Variants in DLGAP1 observed in about 807,000 individuals in gnomAD.
DLGAP1 encodes disks large-associated protein 1.
A neutral mutation model predicts 90.8 loss-of-function variants in DLGAP1; 11 were observed. The ratio of observed to expected loss-of-function variants is 0.12; its 90% CI spans 0.08 to 0.20. DLGAP1 has a LOEUF of 0.20. Ranked by LOEUF, DLGAP1 falls within the 10% of genes least tolerant of loss-of-function variation. DLGAP1 has a pLI of 1.00. For synonymous variants in DLGAP1, 558 were observed against 540.7 expected, an observed-to-expected ratio of 1.03 and a Z score of -0.44; for missense variants, 1,050 against 1,333.8, an observed-to-expected ratio of 0.79 and a Z score of 3.31.
In DLGAP1 at chr18:3,879,188, T is replaced by A; in HGVS notation, c.881A>T (p.Lys294Met). Residue 294 changes from lysine to methionine, a missense_variant, in exon 4 of 13, where the codon AAG becomes ATG. Lys to Met is a moderately conservative substitution (Grantham distance 95). Around this residue, in one of 2 missense-constraint regions of DLGAP1, gnomAD observed 485 missense variants for 454.1 expected, o/e 1.07. Transcript: ENST00000315677. This position sits in a 1 kb window ranked among gnomAD's most constrained non-coding sequence, Gnocchi z 6.6. ...GGCCTGGTCCATGTTCACCGAGGCCTTCTGGTAAACCTCCCGGGCCCGGCT... is the reference window on the plus strand; with the variant it reads ...GGCCTGGTCCATGTTCACCGAGGCCATCTGGTAAACCTCCCGGGCCCGGCT... ...TVSRAREVYQ[K>M]ASVNMDQAMV... 1 of 1,530,490 alleles carries A rather than the reference T, an allele frequency of 6.5e-7. No homozygotes were observed. The highest frequency in any genetic ancestry group is 8.8e-7 in the Non-Finnish European group (1 of 1,139,644). 94.8% of individuals were successfully genotyped at this position (1,530,490 alleles called of 1,614,324 possible).
intron 7 of DLGAP1, among the ~76,000 whole-genome samples, chr18:3,657,150 T>C (rs1315044130): frequency 1.3e-5 from 2 of 152,218 alleles, no homozygotes; most frequent in African/African-American, 4.8e-5. Context: ...TAAAAATAAA[T>C]AATATTATCT....
chr18:3,798,263 G>A (rs2066109074), intron 5 of DLGAP1, among the ~76,000 whole-genome samples: 1 of 152,244 alleles, frequency 6.6e-6, no homozygotes, highest in Non-Finnish European at 1.5e-5. Flanking sequence ...AGAGGAGTCA[G>A]TGAGAGACGA....
chr18:4,388,120 A>G (rs2082272760), intron 1 of DLGAP1, among the ~76,000 whole-genome samples: 1 of 152,070 alleles, frequency 6.6e-6, no homozygotes, highest in Non-Finnish European at 1.5e-5. Flanking sequence ...AGTGAGCTAA[A>G]GTCATATTTA....
intron 10 of DLGAP1, among the ~76,000 whole-genome samples, chr18:3,521,308 T>C (rs900406927): frequency 3.3e-5 from 5 of 152,178 alleles, no homozygotes; most frequent in East Asian, 3.9e-4. Context: ...AGGGTTTTCT[T>C]ATCTCATGTA....
intron 1 of DLGAP1, among the ~76,000 whole-genome samples, chr18:4,354,985 G>T (rs371248930): frequency 7.0e-6 from 1 of 143,266 alleles, no homozygotes; most frequent in African/African-American, 2.6e-5. Flanking sequence ...CAAAATGCTC[G>T]CCAGGATGCA....
chr18:3,934,676 A>C (rs1049110745), intron 3 of DLGAP1, among the ~76,000 whole-genome samples: 1 of 152,234 alleles, frequency 6.6e-6, no homozygotes, highest in Admixed American at 6.5e-5. Flanking sequence ...AAGATCACAC[A>C]CGCTGTCTAT....
chr18:3,589,926 T>C (rs56071367), intron 7 of DLGAP1, among the ~76,000 whole-genome samples: 44,148 of 152,106 alleles, frequency 0.29, 6,499 homozygotes, highest in African/African-American at 0.3. Flanking sequence ...ATTTCTTTAT[T>C]TGAGACAGAG....
intron 7 of DLGAP1, among the ~76,000 whole-genome samples, chr18:3,721,191 T>G (rs1279081169): frequency 6.6e-6 from 1 of 152,208 alleles, no homozygotes; most frequent in Admixed American, 6.5e-5. Context: ...TTCACATCTT[T>G]GCTCTACAGT....
chr18:3,548,970 G>A (rs1436862850), intron 9 of DLGAP1, among the ~76,000 whole-genome samples: 2 of 152,170 alleles, frequency 1.3e-5, no homozygotes. Flanking sequence ...CTGGGAGTGG[G>A]AGGTGGCAGT....
At chr18:3,858,316 A>G (rs1179516852) in intron 4 of DLGAP1, among the ~76,000 whole-genome samples, 1 of 152,036 alleles carries the variant, frequency 6.6e-6, no homozygotes, top group Non-Finnish European at 1.5e-5. Flanking sequence ...TTTAACCATC[A>G]GTTCCCCTCT....
At position 3,795,292 on chromosome 18, in the gene DLGAP1, C is replaced by T. The variant is rs147947697; in HGVS notation, c.1172+18767G>A. ...AAACACTTATTTAAAAATATATTTT[C>T]TCCCTTGTCCTCATCTGTTTTCTTT... On this transcript the variant is annotated intron_variant, in intron 5 of 12. Coordinates refer to ENST00000315677, the MANE Select transcript of DLGAP1 (RefSeq NM_004746.4). Among the ~76,000 whole-genome samples the T allele has an allele frequency of 1.9e-4, 29 of 152,162 alleles. No homozygotes were observed. In the East Asian group the frequency reaches 4.8e-3, roughly 25 times the overall value.
chr18:4,083,550 C>T (rs1568386259), intron 2 of DLGAP1, among the ~76,000 whole-genome samples: 1 of 152,128 alleles, frequency 6.6e-6, no homozygotes, highest in Non-Finnish European at 1.5e-5. Context: ...CATAGTGAAG[C>T]CATTCTTACA....
At position 3,729,226 on chromosome 18, in the gene DLGAP1, T is replaced by C. The variant is rs1017886537; in HGVS notation, c.1500A>G (p.Lys500=). Residue 500 remains lysine (K), a synonymous_variant, in exon 7 of 13, where the codon AAA becomes AAG. Coordinates refer to ENST00000315677, the MANE Select transcript of DLGAP1 (RefSeq NM_004746.4). The surrounding 1 kb of genome is among the most constrained non-coding windows in gnomAD (Gnocchi z 6.2). ...RSHSYVRAIE[K]GCSQDDECVS... ...CGCACTCGTCGTCCTGGGAGCAGCC[T>C]TTCTCAATGGCCCGCACATAGCTGT... 35 of 1,613,846 alleles carry C rather than the reference T, an allele frequency of 2.2e-5. No homozygotes were observed. Among genetic ancestry groups the C allele is most frequent in the Non-Finnish European group, 2.8e-5 (33 of 1,179,930 alleles).
intron 1 of DLGAP1, among the ~76,000 whole-genome samples, chr18:4,403,832 T>G (rs188877388): frequency 4.6e-5 from 7 of 152,102 alleles, no homozygotes; most frequent in African/African-American, 1.7e-4. Flanking sequence ...TTTGCTATTC[T>G]GGAGAAGGTT....
At chr18:4,176,514 T>A (rs1050324621) in intron 1 of DLGAP1, among the ~76,000 whole-genome samples, 1 of 152,306 alleles carries the variant, frequency 6.6e-6, no homozygotes, top group Non-Finnish European at 1.5e-5. Context: ...CCCTATCTGC[T>A]CCATCTAGGA....
chr18:4,156,362 T>G (rs2076756292), intron 1 of DLGAP1, among the ~76,000 whole-genome samples: 1 of 152,174 alleles, frequency 6.6e-6, no homozygotes, highest in South Asian at 2.1e-4. Flanking sequence ...AAGGATTAAA[T>G]AAAATAATAT....
rs541309412 is a variant in DLGAP1, at chr18:3,804,862, A to G, written c.1172+9197T>C. On this transcript the variant is annotated intron_variant, in intron 5 of 12. Coordinates refer to ENST00000315677, the MANE Select transcript of DLGAP1 (RefSeq NM_004746.4). ...ATCTCTTCCTACACGAGGGACAGAG[A>G]AAATAAACCAGTGCTTAAGAAAGCT... is the stretch of plus-strand genomic sequence containing the variant. Among the ~76,000 whole-genome samples, 4 of 152,368 alleles carry G rather than the reference A, an allele frequency of 2.6e-5. No individual in the cohort carries two copies. In the South Asian group the frequency reaches 8.3e-4, roughly 32 times the overall value.
At chr18:4,063,615 A>G (rs1469833265) in intron 2 of DLGAP1, among the ~76,000 whole-genome samples, 1 of 152,062 alleles carries the variant, frequency 6.6e-6, no homozygotes, top group Non-Finnish European at 1.5e-5. Flanking sequence ...CCTCAGATCT[A>G]GGAGAGATAA....
intron 6 of DLGAP1, among the ~76,000 whole-genome samples, chr18:3,739,835 T>C (rs2062824638): frequency 6.6e-6 from 1 of 152,038 alleles, no homozygotes; most frequent in Non-Finnish European, 1.5e-5. Flanking sequence ...ACTAGAAAAA[T>C]GATGTCATTA....
Sources: allele counts gnomAD v4.1 joint callset (sites outside exome capture counted in the v4.1 genomes callset), GRCh38; gene constraint gnomAD v4.1.1; regional missense constraint gnomAD v4.1.1; non-coding constraint Gnocchi (gnomAD v3.1); transcripts MANE v1.5; gene names NCBI Gene and HGNC (gene_info 2026-07-23, HGNC 2026-07-21).